NRXN3: variants seen among roughly 807,000 people sequenced by gnomAD.
NRXN3 encodes the protein neurexin III.
A neutral mutation model predicts 137.6 loss-of-function variants in NRXN3; 32 were observed. The observed-to-expected ratio is 0.23, with a 90% CI of 0.18 to 0.31. The LOEUF is 0.31. NRXN3 is among the 10% of genes least tolerant of loss of function. The pLI is 1.00. For synonymous variants in NRXN3, 798 were observed against 784.5 expected, an observed-to-expected ratio of 1.02 and a Z score of -0.29; for missense variants, 1,574 against 2,062.5, an observed-to-expected ratio of 0.76 and a Z score of 4.59.
intron 15 of NRXN3, among the ~76,000 whole-genome samples, chr14:79,254,611 G>A (rs569397613): frequency 6.6e-6 from 1 of 152,296 alleles, no homozygotes; most frequent in Non-Finnish European, 1.5e-5. Context: ...GGAGGATGCT[G>A]TCTTACTGTT....
rs111819284 is a variant in NRXN3 at position 79,651,626 on chromosome 14, G to A, written c.3445-12152G>A. On this transcript the variant is annotated intron_variant, in intron 16 of 20. Coordinates refer to ENST00000335750, the MANE Select transcript of NRXN3 (RefSeq NM_001330195.2). ...ATTGAATAGATAATGGAGAGATTGT[G>A]GGATAATTAGAGAATAAATCTGGTT... Among the ~76,000 whole-genome samples, 23 of 152,174 alleles carry A rather than the reference G, an allele frequency of 1.5e-4. 1 individual carries two copies. Among genetic ancestry groups the A allele is most frequent in the African/African-American group, 5.3e-4 (22 of 41,524 alleles).
intron 15 of NRXN3, among the ~76,000 whole-genome samples, chr14:79,389,758 C>T (rs778904987): frequency 2.6e-5 from 4 of 152,140 alleles, no homozygotes; most frequent in Non-Finnish European, 4.4e-5. Context: ...ATCCTTGGAT[C>T]TCTGTAGCAT....
At chr14:79,137,271 G>A (rs966796665) in intron 15 of NRXN3, among the ~76,000 whole-genome samples, 1 of 152,194 alleles carries the variant, frequency 6.6e-6, no homozygotes, top group Admixed American at 6.5e-5. Context: ...AAGGTGACAG[G>A]AGAGTGTTCT....
intron 15 of NRXN3, among the ~76,000 whole-genome samples, chr14:79,002,607 C>T (rs960009208): frequency 3.3e-5 from 5 of 152,108 alleles, no homozygotes; most frequent in African/African-American, 1.2e-4. Context: ...TTTTCTTTAT[C>T]CAGTCTCTCG....
chr14:78,569,339 C>A (rs1055007431), intron 4 of NRXN3, among the ~76,000 whole-genome samples: 1 of 151,666 alleles, frequency 6.6e-6, no homozygotes, highest in Non-Finnish European at 1.5e-5. Flanking sequence ...GGTCTCGGCT[C>A]ACTGCAAGCT....
At chr14:78,733,405 A>G (rs1337284450) in intron 8 of NRXN3, among the ~76,000 whole-genome samples, 1 of 152,204 alleles carries the variant, frequency 6.6e-6, no homozygotes, top group Non-Finnish European at 1.5e-5. Context: ...TTAACAGTCA[A>G]ACATTTCCTC....
Position 79,054,902 on chromosome 14 carries a change from T to C in NRXN3, c.3262+66761T>C, listed in dbSNP as rs145918641. On this transcript the variant is annotated intron_variant, in intron 15 of 20. Coordinates refer to ENST00000335750, the MANE Select transcript of NRXN3 (RefSeq NM_001330195.2). Reference sequence around the variant, plus strand: ...GAGAAAATATAGTATTTTCTGAAAATGTAAACAGATGTTAGTTTACCATTT... The same window carrying C: ...GAGAAAATATAGTATTTTCTGAAAACGTAAACAGATGTTAGTTTACCATTT... 3.7e-3 allele frequency among the ~76,000 whole-genome samples: 562 copies of C among 152,268 alleles called. 2 individuals carry two copies. The highest frequency in any genetic ancestry group is 0.013 in the African/African-American group (538 of 41,544).
At chr14:78,759,458 T>A (rs1250343012) in intron 8 of NRXN3, among the ~76,000 whole-genome samples, 2 of 152,228 alleles carry the variant, frequency 1.3e-5, no homozygotes, top group Non-Finnish European at 2.9e-5. Context: ...ATAACCATTG[T>A]AAGCAGAGGA....
intron 15 of NRXN3, among the ~76,000 whole-genome samples, chr14:79,437,143 C>T (rs2095857659): frequency 6.6e-6 from 1 of 152,150 alleles, no homozygotes; most frequent in African/African-American, 2.4e-5. Context: ...CCCACCCACA[C>T]CTCTACCCCT....
chr14:79,537,057 C>T (rs1326993102), intron 16 of NRXN3, among the ~76,000 whole-genome samples: 1 of 152,180 alleles, frequency 6.6e-6, no homozygotes, highest in Non-Finnish European at 1.5e-5. Flanking sequence ...AATGTTTGAA[C>T]TAATTTACAT....
chr14:78,533,283 G>A (rs1356670845), intron 4 of NRXN3, among the ~76,000 whole-genome samples: 5 of 151,258 alleles, frequency 3.3e-5, no homozygotes, highest in Admixed American at 1.3e-4. Flanking sequence ...ACAGGGTTTC[G>A]CCACATTGGT....
chr14:78,246,014 G>C (rs143733885), intron 2 of NRXN3, among the ~76,000 whole-genome samples: 1 of 152,298 alleles, frequency 6.6e-6, no homozygotes, highest in East Asian at 1.9e-4. Flanking sequence ...GCCTGAAGAC[G>C]CTGACATGAT....
chr14:79,565,363 A>G (rs930435229), intron 16 of NRXN3, among the ~76,000 whole-genome samples: 2 of 149,800 alleles, frequency 1.3e-5, no homozygotes, highest in African/African-American at 2.5e-5. Context: ...ATGTATACAC[A>G]CACACATATG....
chr14:79,537,428 C>T (rs1290430932), intron 16 of NRXN3, among the ~76,000 whole-genome samples: 1 of 152,098 alleles, frequency 6.6e-6, no homozygotes, highest in Non-Finnish European at 1.5e-5. Context: ...TCTCCTAATG[C>T]TATCCCTCCC....
chr14:78,718,116 C>T (rs2098442655), intron 8 of NRXN3, among the ~76,000 whole-genome samples: 1 of 152,200 alleles, frequency 6.6e-6, no homozygotes, highest in Non-Finnish European at 1.5e-5. Context: ...AACATCAACA[C>T]AATCACTCAG....
In NRXN3 at chr14:78,943,622, ATATATATATATATATAT is replaced by A. The variant is rs1431227127; in HGVS notation, c.2276-13619_2276-13603del. 1.6e-3 allele frequency among the ~76,000 whole-genome samples: 39 copies of A among 24,278 alleles called. 1 individual carries two copies. The highest frequency in any genetic ancestry group is 2.5e-3 in the African/African-American group (22 of 8,664). The allele number at this position is 24,278 out of a possible 152,430, so 15.9% of individuals were successfully genotyped here. A position where few individuals can be genotyped will look rare whatever the true frequency, so the allele number is the denominator to read the frequency against. On this transcript the variant is annotated intron_variant, in intron 10 of 20. Transcript: ENST00000335750. ...GCAAGATCACTGTTAAAAAAAAAAA[ATATATATATATATATAT>A]ATATATATATATATATATATATATA...
intron 4 of NRXN3, among the ~76,000 whole-genome samples, chr14:78,328,186 G>C (rs549008227): frequency 6.6e-6 from 1 of 152,110 alleles, no homozygotes; most frequent in Non-Finnish European, 1.5e-5. Flanking sequence ...TACAGGGAAG[G>C]CTTCTGTGAG....
intron 15 of NRXN3, among the ~76,000 whole-genome samples, chr14:79,064,072 G>A (rs1200498324): frequency 1.3e-5 from 2 of 152,016 alleles, no homozygotes; most frequent in Non-Finnish European, 2.9e-5. Flanking sequence ...ATAATTAAAC[G>A]GTAAATTACT....
chr14:78,620,936 C>G (rs1453032059), intron 4 of NRXN3, among the ~76,000 whole-genome samples: 2 of 152,132 alleles, frequency 1.3e-5, no homozygotes, highest in African/African-American at 4.8e-5. Context: ...TTAAGAGTCT[C>G]CAGAATTTGA....
Sources: allele counts gnomAD v4.1 joint callset (sites outside exome capture counted in the v4.1 genomes callset), GRCh38; gene constraint gnomAD v4.1.1; transcripts MANE v1.5; gene names NCBI Gene and HGNC (gene_info 2026-07-23, HGNC 2026-07-21).